KCNT2: variants seen among roughly 807,000 people sequenced by gnomAD.
KCNT2 encodes the protein potassium channel subfamily T member 2.
KCNT2 carries 67 observed loss-of-function variants against 153.8 expected under a neutral mutation model. The ratio of observed to expected loss-of-function variants is 0.44; its 90% CI spans 0.36 to 0.53. The LOEUF is 0.53. KCNT2 is among the 20% of genes least tolerant of loss of function. KCNT2 has a pLI of 0.00. For synonymous variants in KCNT2, 500 were observed against 458.8 expected (o/e 1.09, Z -1.15); for missense variants, 975 against 1,354.8 (o/e 0.72, Z 4.40).
At chr1:196,422,145 T>C (rs968739534) in intron 12 of KCNT2, among the ~76,000 whole-genome samples, 2 of 152,018 alleles carry the variant, frequency 1.3e-5, no homozygotes, top group African/African-American at 2.4e-5. Context: ...TTAAACATTT[T>C]AGAAATGGAT....
chr1:196,475,667 GCTTT>G (rs1678471313), intron 5 of KCNT2, among the ~76,000 whole-genome samples: 1 of 151,784 alleles, frequency 6.6e-6, no homozygotes, highest in South Asian at 2.1e-4. Context: ...TACCAAACAT[GCTTT>G]ATTTAGAGAC....
intron 8 of KCNT2, among the ~76,000 whole-genome samples, chr1:196,460,388 T>C (rs1677046158): frequency 6.6e-6 from 1 of 151,782 alleles, no homozygotes; most frequent in South Asian, 2.1e-4. Flanking sequence ...TTTGAAATGC[T>C]TAACTTATAA....
At position 196,601,593 on chromosome 1, in the gene KCNT2, T is replaced by C. The variant is rs185452228; in HGVS notation, c.95+6622A>G. On this transcript the variant is annotated intron_variant, in intron 1 of 27. Transcript: ENST00000294725. Reference sequence around the variant, plus strand: ...TATCCACAACTGTCAGAAGTTTCTGTAGGGAGATGTTATTTAGCAAAAACA... The same window carrying C: ...TATCCACAACTGTCAGAAGTTTCTGCAGGGAGATGTTATTTAGCAAAAACA... Among the ~76,000 whole-genome samples the C allele has an allele frequency of 5.9e-5, 9 of 152,310 alleles. No individual in the cohort carries two copies. The East Asian group carries it at 1.7e-3, about 29-fold the overall frequency.
intron 7 of KCNT2, among the ~76,000 whole-genome samples, chr1:196,467,314 T>C (rs1557973487): frequency 2.0e-5 from 3 of 152,098 alleles, no homozygotes; most frequent in Non-Finnish European, 1.5e-5. Flanking sequence ...ACAAAGGTAG[T>C]AACTTGGCAA....
At chr1:196,352,861 C>G (rs1309393960) in intron 14 of KCNT2, among the ~76,000 whole-genome samples, 2 of 152,070 alleles carry the variant, frequency 1.3e-5, no homozygotes, top group Non-Finnish European at 2.9e-5. Flanking sequence ...AAATTTCCCT[C>G]TACACACTGC....
chr1:196,590,362 G>A (rs1474218656), intron 1 of KCNT2, among the ~76,000 whole-genome samples: 1 of 152,158 alleles, frequency 6.6e-6, no homozygotes, highest in African/African-American at 2.4e-5. Context: ...GCAGATGCCA[G>A]CTACTGACAG....
At chr1:196,267,028 G>A (rs936310311) in intron 25 of KCNT2, among the ~76,000 whole-genome samples, 5 of 152,156 alleles carry the variant, frequency 3.3e-5, no homozygotes, top group African/African-American at 9.7e-5. Context: ...ACAGGGAAAG[G>A]CTTATAGCTT....
At chr1:196,334,473 T>TTCTC (rs1664793826) in intron 16 of KCNT2, among the ~76,000 whole-genome samples, 1 of 111,640 alleles carries the variant, frequency 9.0e-6, no homozygotes, top group Non-Finnish European at 1.7e-5. Context: ...TTTCTTTTAT[T>TTCTC]TCTTTCTTTC....
At chr1:196,488,271 A>T (rs1229149419) in intron 3 of KCNT2, among the ~76,000 whole-genome samples, 1 of 152,044 alleles carries the variant, frequency 6.6e-6, no homozygotes, top group African/African-American at 2.4e-5. Context: ...ATTTTAAAAT[A>T]GAGCCTGCAC....
intron 1 of KCNT2, among the ~76,000 whole-genome samples, chr1:196,528,055 C>CAATG (rs767772243): frequency 2.0e-5 from 3 of 152,214 alleles, no homozygotes; most frequent in Admixed American, 1.3e-4. Context: ...TGCTATAGAA[C>CAATG]AATGACCCAT....
intron 26 of KCNT2, among the ~76,000 whole-genome samples, chr1:196,248,410 GAAAAA>G (rs1655645438): frequency 6.6e-6 from 1 of 151,354 alleles, no homozygotes; most frequent in Non-Finnish European, 1.5e-5. Flanking sequence ...TCCAGAATAA[GAAAAA>G]AAGAGGAAAC....
At chr1:196,575,048 A>C (rs1233030109) in intron 1 of KCNT2, among the ~76,000 whole-genome samples, 3 of 152,120 alleles carry the variant, frequency 2.0e-5, no homozygotes, top group African/African-American at 7.2e-5. Flanking sequence ...AAATTATAAA[A>C]GTATAAAGAA....
chr1:196,369,167 T>C (rs1038104445), intron 14 of KCNT2, among the ~76,000 whole-genome samples: 2 of 152,160 alleles, frequency 1.3e-5, no homozygotes, highest in African/African-American at 4.8e-5. Context: ...AATGAATTGC[T>C]AAATTTTTAA....
At chr1:196,359,562 A>G (rs1331530644) in intron 14 of KCNT2, among the ~76,000 whole-genome samples, 2 of 152,014 alleles carry the variant, frequency 1.3e-5, no homozygotes, top group Admixed American at 6.6e-5. Context: ...TGTGTGAAAA[A>G]CATTATGGAA....
intron 26 of KCNT2, among the ~76,000 whole-genome samples, chr1:196,252,516 A>G (rs1269313329): frequency 6.6e-6 from 1 of 151,782 alleles, no homozygotes; most frequent in Non-Finnish European, 1.5e-5. Flanking sequence ...ACCTTACTAC[A>G]TTATACGTCA....
intron 12 of KCNT2, among the ~76,000 whole-genome samples, chr1:196,413,264 ACT>A (rs1027138175): frequency 1.4e-4 from 21 of 151,532 alleles, no homozygotes; most frequent in African/African-American, 4.8e-4. Context: ...TAAAATTTAG[ACT>A]CTGTCACTCT....
At chr1:196,553,606 A>G (rs150493457) in intron 1 of KCNT2, among the ~76,000 whole-genome samples, 13 of 151,338 alleles carry the variant, frequency 8.6e-5, no homozygotes, top group Non-Finnish European at 1.8e-4. Flanking sequence ...ATAAAGAAAC[A>G]TGAGACTTAA....
intron 25 of KCNT2, among the ~76,000 whole-genome samples, chr1:196,263,177 T>C (rs1657182119): frequency 6.7e-6 from 1 of 149,400 alleles, no homozygotes; most frequent in South Asian, 2.1e-4. Flanking sequence ...ATATAATTCT[T>C]TTTTTTTTTA....
At chr1:196,408,206 A>C (rs1671992933) in intron 12 of KCNT2, among the ~76,000 whole-genome samples, 1 of 151,468 alleles carries the variant, frequency 6.6e-6, no homozygotes, top group African/African-American at 2.4e-5. Flanking sequence ...TTCTATATAT[A>C]CTGTTTTCCC....
Sources: gnomAD v4.1 joint callset for allele counts (sites outside exome capture counted in the v4.1 genomes callset) on GRCh38, gnomAD v4.1.1 for gene constraint, MANE v1.5 for transcripts, NCBI Gene and HGNC (gene_info 2026-07-23, HGNC 2026-07-21) for gene names.